Variants in SNX30 observed in about 807,000 individuals in gnomAD.
The protein encoded by SNX30 is sorting nexin family member 30.
Under a neutral mutation model 46.4 loss-of-function variants are expected in SNX30, and 24 were observed. The observed-to-expected ratio is 0.52, with a 90% CI of 0.37 to 0.73. The LOEUF (loss-of-function observed/expected upper bound fraction) is 0.73, where lower values mean the gene tolerates loss of function less well. Among genes scored for constraint, SNX30 ranks in the 30% least tolerant of loss-of-function variants. The probability of loss-of-function intolerance (pLI) is 0.00; values close to 1 mark genes in which losing one functional copy is unlikely to be tolerated. For synonymous variants in SNX30, 189 were observed against 211.5 expected, an observed-to-expected ratio of 0.89 and a Z score of 0.92; for missense variants, 533 against 555.7, an observed-to-expected ratio of 0.96 and a Z score of 0.41.
chr9:112,787,666 A>G (rs1839952229), intron 1 of SNX30, among the ~76,000 whole-genome samples: 1 of 151,854 alleles, frequency 6.6e-6, no homozygotes, highest in Admixed American at 6.6e-5. Flanking sequence ...GCTCCCAAAG[A>G]AGATTGGCAT....
chr9:112,857,756 G>A (rs769516144), intron 7 of SNX30, among the ~76,000 whole-genome samples: 1 of 61,482 alleles, frequency 1.6e-5, no homozygotes, highest in Non-Finnish European at 3.4e-5. Flanking sequence ...GCTCAGTAAC[G>A]CATGCATGCA....
intron 7 of SNX30, among the ~76,000 whole-genome samples, chr9:112,856,275 C>T (rs1363706597): frequency 3.1e-5 from 4 of 127,024 alleles, no homozygotes; most frequent in East Asian, 4.6e-4. Context: ...AGAGATGGGC[C>T]GTGTGGAGGG....
Position 112,826,718 on chromosome 9 carries a change from C to T in SNX30, c.460-4007C>T, listed in dbSNP as rs139147016. 1.2e-4 allele frequency among the ~76,000 whole-genome samples: 18 copies of T among 152,294 alleles called. No individual in the cohort carries two copies. The East Asian group carries it at 3.5e-3, about 29-fold the overall frequency. On this transcript the variant is annotated intron_variant, in intron 3 of 8. Transcript: ENST00000374232. ...AGGAAATTTCCATCTGATGCTCTTA[C>T]ACCTGGTTCTCACTTCAGAAAGATA...
At chr9:112,819,358 C>T (rs751989425) in intron 3 of SNX30, among the ~76,000 whole-genome samples, 1 of 151,542 alleles carries the variant, frequency 6.6e-6, no homozygotes, top group Non-Finnish European at 1.5e-5. Context: ...CCTCTGCCCC[C>T]GGAGTTCAAG....
chr9:112,786,894 C>A (rs753146561), intron 1 of SNX30, among the ~76,000 whole-genome samples: 7 of 152,210 alleles, frequency 4.6e-5, no homozygotes, highest in Non-Finnish European at 1.0e-4. Flanking sequence ...AGAATACCCT[C>A]TTCCTGTTTT....
chr9:112,878,069 C>T (rs1412605557), downstream of SNX30: 2 of 152,236 alleles, frequency 1.3e-5, no homozygotes, highest in Non-Finnish European at 2.9e-5. Context: ...CTTCACAGCT[C>T]ATCTCCTTTC....
At chr9:112,772,189 G>T (rs117374486) in intron 1 of SNX30, among the ~76,000 whole-genome samples, 1 of 152,148 alleles carries the variant, frequency 6.6e-6, no homozygotes, top group South Asian at 2.1e-4. Flanking sequence ...CTAGTGAGGG[G>T]TTACTCTAGC....
chr9:112,760,221 C>G (rs1839414673), intron 1 of SNX30, among the ~76,000 whole-genome samples: 1 of 152,058 alleles, frequency 6.6e-6, no homozygotes, highest in Non-Finnish European at 1.5e-5. Context: ...TTAAGTAGAA[C>G]CCAGGAGCTT....
At position 112,795,765 on chromosome 9, in the gene SNX30, T is replaced by TCTCACACACACACACACACA. The variant is rs34877094; in HGVS notation, c.157-9010_157-9009insTCACACACACACACACACAC. Among the ~76,000 whole-genome samples, 48 of 123,330 alleles carry TCTCACACACACACACACACA rather than the reference T, an allele frequency of 3.9e-4. 1 individual carries two copies. Among genetic ancestry groups the TCTCACACACACACACACACA allele is most frequent in the East Asian group, 2.3e-3 (11 of 4,710 alleles). The allele number at this position is 123,330 out of a possible 152,430, so 80.9% of individuals were successfully genotyped here. A position where few individuals can be genotyped will look rare whatever the true frequency, so the allele number is the denominator to read the frequency against. ...TCACACACACACACTCACAGTACAG[T>TCTCACACACACACACACACA]CACACACACACACACACACACACAC... On this transcript the variant is annotated intron_variant, in intron 1 of 8. Transcript: ENST00000374232.
rs561656760 is a variant in SNX30, at chr9:112,833,391, C to T, written c.618+2508C>T. The stretch of plus-strand genomic sequence containing the variant: ...GAAGCCAAAAGGCTGTATGTAATGG[C>T]TCATGCCTGTAACACCCAGCGCTTT... On this transcript the variant is annotated intron_variant, in intron 4 of 8. Coordinates refer to ENST00000374232, the MANE Select transcript of SNX30 (RefSeq NM_001012994.2). Among the ~76,000 whole-genome samples, 77 of 152,294 alleles carry T rather than the reference C, an allele frequency of 5.1e-4. 1 individual carries two copies. In the South Asian group the frequency reaches 0.015, roughly 30 times the overall value.
chr9:112,853,771 T>C (rs1841072279), intron 7 of SNX30, among the ~76,000 whole-genome samples: 2 of 152,230 alleles, frequency 1.3e-5, no homozygotes, highest in Admixed American at 1.3e-4. Context: ...AACAAAATCC[T>C]GGGGCTTCCA....
chr9:112,763,277 C>G (rs572301299), intron 1 of SNX30, among the ~76,000 whole-genome samples: 1 of 150,432 alleles, frequency 6.6e-6, no homozygotes, highest in African/African-American at 2.4e-5. Flanking sequence ...TTAAGTGATC[C>G]TTCTGCCTCA....
At chr9:112,852,951 C>A (rs1477164090) in intron 7 of SNX30, among the ~76,000 whole-genome samples, 1 of 152,158 alleles carries the variant, frequency 6.6e-6, no homozygotes, top group Non-Finnish European at 1.5e-5. Context: ...AAATGACACA[C>A]CTTGGCTTTT....
chr9:112,758,868 CACAT>C (rs927906832), intron 1 of SNX30, among the ~76,000 whole-genome samples: 3 of 152,016 alleles, frequency 2.0e-5, no homozygotes, highest in Non-Finnish European at 4.4e-5. Flanking sequence ...CACACACACA[CACAT>C]ACACACACAA....
chr9:112,750,709 C>G (rs957083070), upstream of SNX30: 1 of 150,978 alleles, frequency 6.6e-6, no homozygotes, highest in African/African-American at 2.4e-5. Context: ...CGCGGCGCCT[C>G]GGGGGCGGGG....
At chr9:112,809,977 G>A (rs1840293759) in intron 2 of SNX30, among the ~76,000 whole-genome samples, 1 of 152,148 alleles carries the variant, frequency 6.6e-6, no homozygotes, top group African/African-American at 2.4e-5. Flanking sequence ...TGGAGAGTAG[G>A]ATGGAGGCTC....
intron 4 of SNX30, among the ~76,000 whole-genome samples, chr9:112,834,907 T>C (rs1385217049): frequency 2.8e-5 from 4 of 143,680 alleles, no homozygotes; most frequent in Non-Finnish European, 4.5e-5. Flanking sequence ...AAAGGCTGGA[T>C]CAAGAGCAAA....
At position 112,824,011 on chromosome 9, in the gene SNX30, GC is replaced by G. The variant is rs1417010422; in HGVS notation, c.459+6198del. On this transcript the variant is annotated intron_variant, in intron 3 of 8. Coordinates refer to ENST00000374232, the MANE Select transcript of SNX30 (RefSeq NM_001012994.2). The stretch of plus-strand genomic sequence containing the variant: ...AGTTCGACAAGGGTAGGAGAAATAG[GC>G]CTCTGCCATGTAAATATTTAATGTG... Among the ~76,000 whole-genome samples the G allele has an allele frequency of 3.3e-5, 5 of 152,266 alleles. No homozygotes were observed. The East Asian group carries it at 9.6e-4, about 29-fold the overall frequency.
intron 1 of SNX30, among the ~76,000 whole-genome samples, chr9:112,754,709 G>A (rs959177273): frequency 2.6e-5 from 4 of 151,996 alleles, no homozygotes; most frequent in African/African-American, 9.7e-5. Context: ...GACCTTATAT[G>A]GCTATCTCCA....
Sources: allele counts gnomAD v4.1 joint callset (sites outside exome capture counted in the v4.1 genomes callset), GRCh38; gene constraint gnomAD v4.1.1; transcripts MANE v1.5; gene names NCBI Gene and HGNC (gene_info 2026-07-23, HGNC 2026-07-21).